The following CDK7 variants were observed in gnomAD, a reference collection of about 807,000 sequenced individuals.
CDK7 encodes the protein cyclin-dependent kinase 7.
In CDK7, 25 loss-of-function variants were observed where a neutral mutation model predicts 49.1. The ratio of observed to expected loss-of-function variants is 0.51; its 90% CI spans 0.37 to 0.71. CDK7 has a LOEUF of 0.71. Among genes scored for constraint, CDK7 ranks in the 30% least tolerant of loss-of-function variants. The pLI, the probability that CDK7 is intolerant of heterozygous loss-of-function variation, is 0.00. For missense variants in CDK7, 316 were observed against 411.7 expected (o/e 0.77, Z 2.01); for synonymous variants, 107 against 140.0 (o/e 0.76, Z 1.67).
chr5:69,248,065 T>C (rs1580284377), intron 2 of CDK7, among the ~76,000 whole-genome samples: 1 of 152,332 alleles, frequency 6.6e-6, no homozygotes, highest in South Asian at 2.1e-4. Context: ...TTCATATTGC[T>C]CATTAACGTC....
chr5:69,273,671 C>T (rs1406712002), intron 10 of CDK7, among the ~76,000 whole-genome samples: 1 of 152,184 alleles, frequency 6.6e-6, no homozygotes, highest in East Asian at 1.9e-4. Context: ...CACTGTACAA[C>T]ACAGTGCAGT....
At chr5:69,269,036 G>A (rs902452176) in intron 8 of CDK7, among the ~76,000 whole-genome samples, 171 bp from the exon 9 acceptor site, 2 of 151,392 alleles carry the variant, frequency 1.3e-5, no homozygotes, top group African/African-American at 4.9e-5. Context: ...CCAGCTACTC[G>A]GGAGGCTGAG....
intron 5 of CDK7, among the ~76,000 whole-genome samples, chr5:69,257,432 C>T (rs779968143): frequency 6.6e-6 from 1 of 152,288 alleles, no homozygotes; most frequent in East Asian, 1.9e-4. Flanking sequence ...CTCAGTCTTA[C>T]GCTTTAACTA....
intron 2 of CDK7, among the ~76,000 whole-genome samples, chr5:69,243,625 G>A (rs1010137069): frequency 2.0e-5 from 3 of 151,822 alleles, no homozygotes; most frequent in Middle Eastern, 3.4e-3. Context: ...GGGTCTTTGT[G>A]GTTCTACACA....
At chr5:69,265,059 A>G (rs1751056898) in intron 8 of CDK7, among the ~76,000 whole-genome samples, 2 of 151,988 alleles carry the variant, frequency 1.3e-5, no homozygotes, top group African/African-American at 2.4e-5. Context: ...GTGAGGAGAT[A>G]GAGACCATCC....
At chr5:69,245,046 A>T (rs1431927470) in intron 2 of CDK7, among the ~76,000 whole-genome samples, 1 of 152,106 alleles carries the variant, frequency 6.6e-6, no homozygotes, top group Non-Finnish European at 1.5e-5. Context: ...CTTGGTCATG[A>T]TGATCTTTTT....
Position 69,259,805 on chromosome 5 carries a change from T to G in CDK7, c.409-13T>G, listed in dbSNP as rs1285425233. The G allele has an allele frequency of 6.4e-7, 1 of 1,572,272 alleles. No individual in the cohort carries two copies. The highest frequency in any genetic ancestry group is 8.8e-7 in the Non-Finnish European group (1 of 1,141,982). ...CCCTGCTTATTTGTTTGTTTAAAAC[T>G]TCCGTCATATAGGATCTGAAACCAA... is the stretch of plus-strand genomic sequence containing the variant. On this transcript the variant is annotated splice_polypyrimidine_tract_variant and intron_variant, in intron 6 of 11. Transcript: ENST00000256443.
chr5:69,261,997 A>G (rs1327478921), intron 7 of CDK7, among the ~76,000 whole-genome samples: 5 of 152,214 alleles, frequency 3.3e-5, no homozygotes, highest in Non-Finnish European at 7.3e-5. Flanking sequence ...GGAAAAGTCT[A>G]GTAGAAAACA....
Position 69,255,534 on chromosome 5 carries a change from A to G in CDK7, c.297+6A>G. ...TTATGGAAACTGATCTAGAGGTAAGATTAAGATTCCTGGAGAAATTCCTTT... is the reference window on the plus strand; with the variant it reads ...TTATGGAAACTGATCTAGAGGTAAGGTTAAGATTCCTGGAGAAATTCCTTT... On this transcript the variant is annotated splice_donor_region_variant and intron_variant, in intron 5 of 11. Coordinates refer to ENST00000256443, the MANE Select transcript of CDK7 (RefSeq NM_001799.4). 1 of 1,540,916 alleles carries G rather than the reference A, an allele frequency of 6.5e-7. No individual in the cohort carries two copies. The highest frequency in any genetic ancestry group is 1.1e-5 in the South Asian group (1 of 89,228).
chr5:69,252,598 C>T, intron 3 of CDK7, 147 bp downstream of exon 3: 1 of 567,130 alleles, frequency 1.8e-6, no homozygotes, highest in South Asian at 2.4e-5. Context: ...CAGCCTCAAA[C>T]TTAGGTACTC....
chr5:69,235,928 C>G (rs1413708225), intron 2 of CDK7, among the ~76,000 whole-genome samples: 1 of 152,148 alleles, frequency 6.6e-6, no homozygotes, highest in Non-Finnish European at 1.5e-5. Flanking sequence ...GATTCAGTAG[C>G]TTCTTATATT....
intron 8 of CDK7, among the ~76,000 whole-genome samples, chr5:69,266,744 T>TA (rs1751183773): frequency 6.6e-6 from 1 of 151,694 alleles, no homozygotes; most frequent in African/African-American, 2.4e-5. Flanking sequence ...ATGATTGGTT[T>TA]AGTCATATAG....
chr5:69,275,340 A>G (rs1224947866), intron 10 of CDK7, among the ~76,000 whole-genome samples: 1 of 152,096 alleles, frequency 6.6e-6, no homozygotes, highest in Non-Finnish European at 1.5e-5. Context: ...AAAAAGCCTT[A>G]TTTTTTAAGA....
intron 8 of CDK7, among the ~76,000 whole-genome samples, chr5:69,266,581 A>G (rs551081041): frequency 6.6e-6 from 1 of 152,282 alleles, no homozygotes; most frequent in African/African-American, 2.4e-5. Context: ...CACAGGAAAA[A>G]GGCAGTTCAA....
chr5:69,239,905 T>G (rs1244407025), intron 2 of CDK7, among the ~76,000 whole-genome samples: 2 of 149,380 alleles, frequency 1.3e-5, no homozygotes, highest in African/African-American at 2.5e-5. Flanking sequence ...AGAGACAGGG[T>G]CTTTCTATAT....
chr5:69,277,026 G>A, intron 11 of CDK7, 81 bp from the exon 12 acceptor site: 1 of 1,201,286 alleles, frequency 8.3e-7, no homozygotes, highest in Admixed American at 2.2e-5. Flanking sequence ...GGAATGCAGT[G>A]ACTGGTTAAA....
chr5:69,257,682 C>T (rs185794764), intron 5 of CDK7, among the ~76,000 whole-genome samples: 5 of 152,292 alleles, frequency 3.3e-5, no homozygotes, highest in African/African-American at 9.6e-5. Flanking sequence ...ATGTGCCTAC[C>T]TCTGGAGGCC....
chr5:69,272,895 A>G lies in CDK7; in HGVS notation c.718A>G (p.Met240Val), dbSNP rs974296207. 4 of 1,576,874 alleles carry G rather than the reference A, an allele frequency of 2.5e-6. No individual in the cohort carries two copies. Among genetic ancestry groups the G allele is most frequent in the Middle Eastern group, 2.2e-4 (1 of 4,550 alleles). Reference sequence around the variant, plus strand: ...AATTACAAAATTATTTTTACAGGACATGTGTAGTCTTCCAGATTATGTGAC... The same window carrying G: ...AATTACAAAATTATTTTTACAGGACGTGTGTAGTCTTCCAGATTATGTGAC... ...GTPTEEQWPD[M>V]CSLPDYVTFK... Residue 240 changes from methionine to valine, a missense_variant, in exon 10 of 12, where the codon ATG becomes GTG. Met to Val is a conservative substitution (Grantham distance 21). Transcript: ENST00000256443.
At chr5:69,252,067 C>T (rs1217056144) in intron 2 of CDK7, among the ~76,000 whole-genome samples, 3 of 152,142 alleles carry the variant, frequency 2.0e-5, no homozygotes, top group Non-Finnish European at 4.4e-5. Context: ...TGTATCTTTC[C>T]TCCCAAGTAG....
Sources: allele counts gnomAD v4.1 joint callset (sites outside exome capture counted in the v4.1 genomes callset), GRCh38; gene constraint gnomAD v4.1.1; transcripts MANE v1.5; gene names NCBI Gene and HGNC (gene_info 2026-07-23, HGNC 2026-07-21).